MAN1B1: variants seen among roughly 807,000 people sequenced by gnomAD.
MAN1B1 encodes endoplasmic reticulum mannosyl-oligosaccharide 1,2-alpha-mannosidase.
In MAN1B1, 66 loss-of-function variants were observed where a neutral mutation model predicts 75.5. The ratio of observed to expected loss-of-function variants is 0.87; its 90% CI spans 0.72 to 1.07. The LOEUF is 1.07. Among genes scored for constraint, MAN1B1 ranks in the 50% least tolerant of loss-of-function variants. The pLI, the probability that MAN1B1 is intolerant of heterozygous loss-of-function variation, is 0.00. For missense variants in MAN1B1, 973 were observed against 912.5 expected (o/e 1.07, Z -0.85); for synonymous variants, 453 against 382.8 (o/e 1.18, Z -2.14).
At chr9:137,093,849 G>C (rs1830584519) in intron 3 of MAN1B1, among the ~76,000 whole-genome samples, 1 of 151,682 alleles carries the variant, frequency 6.6e-6, no homozygotes, top group Admixed American at 6.6e-5. Context: ...AAAGAGAAAA[G>C]ATTTAAGTTC....
At chr9:137,096,165 G>A in intron 3 of MAN1B1, 72 bp from the exon 4 acceptor site, 3 of 1,526,506 alleles carry the variant, frequency 2.0e-6, no homozygotes, top group East Asian at 2.3e-5. Context: ...GCACCTGAGG[G>A]CGTCCCATAG....
In MAN1B1 at chr9:137,106,781, T is replaced by G. The variant is rs931050216; in HGVS notation, c.1538T>G (p.Leu513Arg). Residue 513 changes from leucine to arginine, a missense_variant, in exon 10 of 13, where the codon CTT becomes CGT. Coordinates refer to ENST00000371589, the MANE Select transcript of MAN1B1 (RefSeq NM_016219.5). ...EPSKLTFVGE[L>R]AHGRFSAKMD... ...AGTAAGCTCACCTTTGTGGGGGAGC[T>G]TGCCCACGGCCGCTTCAGTGCCAAG... 6.2e-7 allele frequency: 1 copy of G among 1,613,352 alleles called. No individual in the cohort carries two copies. Among genetic ancestry groups the G allele is most frequent in the Non-Finnish European group, 8.5e-7 (1 of 1,179,998 alleles).
In MAN1B1 at chr9:137,096,277, A is replaced by G; in HGVS notation, c.506A>G (p.Gln169Arg). ...ATCCAGCGGGGACCACCTCACCTGC[A>G]GATTAGACCCCCAAGCCAAGACCTG... ...RHIQRGPPHL[Q>R]IRPPSQDLKD... Residue 169 changes from glutamine (Q) to arginine (R), a missense_variant, in exon 4 of 13, where the codon CAG becomes CGG. Physicochemically the swap from Gln to Arg is conservative, Grantham distance 43. Coordinates refer to ENST00000371589, the MANE Select transcript of MAN1B1 (RefSeq NM_016219.5). 1 of 1,614,166 alleles carries G rather than the reference A, an allele frequency of 6.2e-7. No individual in the cohort carries two copies. The highest frequency in any genetic ancestry group is 8.5e-7 in the Non-Finnish European group (1 of 1,180,036).
chr9:137,109,054 A>G lies in MAN1B1; in HGVS notation c.*463A>G, dbSNP rs1485487274. 8.8e-6 allele frequency: 4 copies of G among 457,072 alleles called. No individual in the cohort carries two copies. The highest frequency in any genetic ancestry group is 1.8e-5 in the Non-Finnish European group (4 of 227,764). The allele number at this position is 457,072 out of a possible 1,614,324, so 28.3% of individuals were successfully genotyped here. A position where few individuals can be genotyped will look rare whatever the true frequency, so the allele number is the denominator to read the frequency against. Reference sequence around the variant, plus strand: ...TCCAGGGCTGGCTCTGGTGTTTACAAGCTGGACTCAGGGATCCTCCTGGCC... The same window carrying G: ...TCCAGGGCTGGCTCTGGTGTTTACAGGCTGGACTCAGGGATCCTCCTGGCC... On this transcript the variant is annotated 3_prime_UTR_variant, in exon 13 of 13. Transcript: ENST00000371589.
chr9:137,101,948 C>T (rs747421872), intron 8 of MAN1B1: 19 of 567,656 alleles, frequency 3.3e-5, no homozygotes, highest in South Asian at 1.3e-4. Context: ...CTGTTGCAGG[C>T]GTACAGGTCA....
rs767973131 is a variant in MAN1B1, at chr9:137,101,556, G to A, written c.1138G>A (p.Gly380Ser). 16 of 1,613,750 alleles carry A rather than the reference G, an allele frequency of 9.9e-6. No individual in the cohort carries two copies. Among genetic ancestry groups the A allele is most frequent in the Admixed American group, 5.0e-5 (3 of 59,996 alleles). ...GATTCCTTACTCGGATGTGAACATC[G>A]GTACTGGAGTTGCCCACCCGCCACG... The part of the protein sequence containing the change: ...SKIPYSDVNI[G>S]TGVAHPPRWT... Residue 380 changes from glycine (G) to serine (S), a missense_variant, in exon 8 of 13, where the codon GGT (glycine) becomes AGT (serine). Physicochemically the swap from Gly to Ser is moderately conservative, Grantham distance 56 (BLOSUM62 0). Coordinates refer to ENST00000371589, the MANE Select transcript of MAN1B1 (RefSeq NM_016219.5).
intron 4 of MAN1B1, among the ~76,000 whole-genome samples, chr9:137,097,030 G>T (rs1830670368): frequency 6.6e-6 from 1 of 152,250 alleles, no homozygotes; most frequent in Non-Finnish European, 1.5e-5. Flanking sequence ...TGAGAGATGG[G>T]CTCCGAAGAA....
At chr9:137,105,199 T>C (rs1831050017) in intron 8 of MAN1B1, 1 of 152,530 alleles carries the variant, frequency 6.6e-6, no homozygotes, top group Admixed American at 6.5e-5. Flanking sequence ...GATTGTCATT[T>C]TCATGAAGCA....
chr9:137,088,722 G>A (rs556745436), intron 2 of MAN1B1, 147 bp from the exon 3 acceptor site: 5 of 915,396 alleles, frequency 5.5e-6, no homozygotes, highest in Non-Finnish European at 3.4e-6. Context: ...CATTCCCTTG[G>A]GACATTGTTG....
At chr9:137,103,871 CAG>C in intron 8 of MAN1B1, 2 of 452,832 alleles carry the variant, frequency 4.4e-6, no homozygotes, top group Non-Finnish European at 8.8e-6. Context: ...GCGTGCAGGT[CAG>C]TGGTGTTACA....
chr9:137,101,576 G>A lies in MAN1B1; in HGVS notation c.1158G>A (p.Pro386=), dbSNP rs753936942. The change falls in exon 8 of 13, where the codon CCG becomes CCA. Residue 386 remains proline, a synonymous_variant. Coordinates refer to ENST00000371589, the MANE Select transcript of MAN1B1 (RefSeq NM_016219.5). ...ACATCGGTACTGGAGTTGCCCACCCGCCACGGTGGACCTCCGACAGCACTG... is the reference window on the plus strand; with the variant it reads ...ACATCGGTACTGGAGTTGCCCACCCACCACGGTGGACCTCCGACAGCACTG... The part of the protein sequence containing the change: ...DVNIGTGVAH[P]PRWTSDSTVA... The A allele has an allele frequency of 3.1e-6, 5 of 1,613,804 alleles. No individual in the cohort carries two copies. Among genetic ancestry groups the A allele is most frequent in the Non-Finnish European group, 3.4e-6 (4 of 1,180,024 alleles).
intron 2 of MAN1B1, 68 bp downstream of exon 2, chr9:137,088,251 C>T: frequency 6.2e-7 from 1 of 1,613,578 alleles, no homozygotes; most frequent in South Asian, 1.1e-5. Context: ...AGCAATCTTG[C>T]ATTCTACCTT....
In MAN1B1 at chr9:137,096,270, C is replaced by T. The variant is rs1448630545; in HGVS notation, c.499C>T (p.His167Tyr). Residue 167 changes from histidine (H) to tyrosine (Y), a missense_variant, in exon 4 of 13, where the codon CAC becomes TAC. Transcript: ENST00000371589. The part of the protein sequence containing the change: ...TQRHIQRGPP[H>Y]LQIRPPSQDL... Reference sequence around the variant, plus strand: ...AAGACACATCCAGCGGGGACCACCTCACCTGCAGATTAGACCCCCAAGCCA... The same window carrying T: ...AAGACACATCCAGCGGGGACCACCTTACCTGCAGATTAGACCCCCAAGCCA... The T allele has an allele frequency of 6.2e-7, 1 of 1,614,154 alleles. No homozygotes were observed. The highest frequency in any genetic ancestry group is 1.7e-5 in the Admixed American group (1 of 60,020).
chr9:137,088,098 G>C lies in MAN1B1; in HGVS notation c.243G>C (p.Leu81Phe), dbSNP rs779132993. 11 of 1,614,004 alleles carry C rather than the reference G, an allele frequency of 6.8e-6. No individual in the cohort carries two copies. The highest frequency in any genetic ancestry group is 8.5e-6 in the Non-Finnish European group (10 of 1,179,970). The change falls in exon 2 of 13, where the codon TTG becomes TTC. Residue 81 changes from leucine (L) to phenylalanine (F), a missense_variant. By Grantham distance (22) the Leu-to-Phe change is conservative (BLOSUM62 0). Transcript: ENST00000371589. ...AGAAATGGAAGCAACTGTCGAGATT[G>C]CAGCGGAATATGATTCTCTTCCTCC... ...CWRKWKQLSR[L>F]QRNMILFLLA...
In MAN1B1 at chr9:137,087,178, A is replaced by C. The variant is rs1182665172; in HGVS notation, c.179A>C (p.Tyr60Ser). The part of the protein sequence containing the change: ...ISVTLSFGEN[Y>S]DNSKSWRRRS... Reference sequence around the variant, plus strand: ...GTGACGCTGAGCTTTGGCGAGAACTATGACAACAGCAAGAGTTGGCGGCGG... The same window carrying C: ...GTGACGCTGAGCTTTGGCGAGAACTCTGACAACAGCAAGAGTTGGCGGCGG... The change falls in exon 1 of 13, where the codon TAT becomes TCT. Residue 60 changes from tyrosine to serine, a missense_variant. Tyr to Ser is a moderately radical substitution (Grantham distance 144). Transcript: ENST00000371589. The C allele has an allele frequency of 3.1e-6, 5 of 1,591,784 alleles. No individual in the cohort carries two copies. The East Asian group carries it at 6.8e-5, about 22-fold the overall frequency.
Position 137,088,920 on chromosome 9 carries a change from G to A in MAN1B1, c.380G>A (p.Gly127Glu), listed in dbSNP as rs745680058. The A allele has an allele frequency of 1.9e-6, 3 of 1,613,838 alleles. No individual in the cohort carries two copies. The highest frequency in any genetic ancestry group is 1.7e-5 in the Admixed American group (1 of 59,996). ...CAGAAGATGAGGCCAGAAATTGCTG[G>A]GTTAAAACCAGCAAATCCACCCGTC... ...EEQKMRPEIA[G>E]LKPANPPVLP... is the part of the protein sequence containing the mutation. The change falls in exon 3 of 13, where the codon GGG becomes GAG. Residue 127 changes from glycine (G) to glutamate (E), a missense_variant. Transcript: ENST00000371589.
chr9:137,090,562 C>T (rs1040682416), intron 3 of MAN1B1, among the ~76,000 whole-genome samples: 8 of 151,038 alleles, frequency 5.3e-5, no homozygotes, highest in South Asian at 4.2e-4. Context: ...TTTTTCGAGG[C>T]GGAATCTCAC....
intron 3 of MAN1B1, among the ~76,000 whole-genome samples, chr9:137,095,059 G>A (rs749097182): frequency 1.3e-4 from 19 of 151,268 alleles, no homozygotes; most frequent in Non-Finnish European, 2.2e-4. Flanking sequence ...GTGGTGACAC[G>A]CGCCTGTAAT....
chr9:137,092,561 T>C lies in MAN1B1; in HGVS notation c.465+3556T>C, dbSNP rs145750485. Among the ~76,000 whole-genome samples, 920 of 152,362 alleles carry C rather than the reference T, an allele frequency of 6.0e-3. 4 individuals carry two copies. Among genetic ancestry groups the C allele is most frequent in the Middle Eastern group, 0.017 (5 of 294 alleles). ...GGATAAACCATCATTTTCTAAATCATTTATCTGTTGATTCTTTCTTCATTT... is the reference window on the plus strand; with the variant it reads ...GGATAAACCATCATTTTCTAAATCACTTATCTGTTGATTCTTTCTTCATTT... On this transcript the variant is annotated intron_variant, in intron 3 of 12. Coordinates refer to ENST00000371589, the MANE Select transcript of MAN1B1 (RefSeq NM_016219.5).
Sources: gnomAD v4.1 joint callset for allele counts (sites outside exome capture counted in the v4.1 genomes callset) on GRCh38, gnomAD v4.1.1 for gene constraint, MANE v1.5 for transcripts, NCBI Gene and HGNC (gene_info 2026-07-23, HGNC 2026-07-21) for gene names.